The following SQLE variants were observed in gnomAD, a reference collection of about 807,000 sequenced individuals.
SQLE encodes the protein squalene epoxidase, also known as squalene monooxygenase.
SQLE carries 29 observed loss-of-function variants against 60.7 expected under a neutral mutation model. That is an observed-to-expected ratio of 0.48 (90% CI 0.36 to 0.65). The LOEUF is 0.65. Ranked by LOEUF, SQLE falls within the 30% of genes least tolerant of loss-of-function variation. SQLE has a pLI of 0.00. For synonymous variants in SQLE, 237 were observed against 246.8 expected, an observed-to-expected ratio of 0.96 and a Z score of 0.37; for missense variants, 605 against 684.1, an observed-to-expected ratio of 0.88 and a Z score of 1.29.
chr8:125,008,894 C>T (rs536101987), intron 4 of SQLE, 77 bp from the exon 5 acceptor site: 56 of 979,154 alleles, frequency 5.7e-5, no homozygotes, highest in African/African-American at 4.6e-4. Context: ...AATCTCTTCA[C>T]GCACATTTTT....
intron 7 of SQLE, among the ~76,000 whole-genome samples, chr8:125,014,388 T>C (rs1160339500): frequency 6.6e-6 from 1 of 152,156 alleles, no homozygotes; most frequent in African/African-American, 2.4e-5. Flanking sequence ...TTTCATTTTG[T>C]TATCTTTTGT....
intron 7 of SQLE, among the ~76,000 whole-genome samples, chr8:125,013,550 G>A (rs574547039): frequency 9.2e-5 from 14 of 151,684 alleles, no homozygotes; most frequent in Middle Eastern, 3.4e-3. Context: ...ACGGGGTTTC[G>A]CCATGTTGGC....
Position 124,998,605 on chromosome 8 carries a change from G to T in SQLE, c.-799G>T. On this transcript the variant is annotated 5_prime_UTR_variant, in exon 1 of 11. Transcript: ENST00000265896. ...AGAGCCGCCGCCCGCGAGGGATGCT[G>T]GTGAGGAAGCCGTCGGGAGCCGCCG... 1 of 687,230 alleles carries T rather than the reference G, an allele frequency of 1.5e-6. No homozygotes were observed. The highest frequency in any genetic ancestry group is 1.5e-5 in the South Asian group (1 of 66,076). 42.6% of individuals were successfully genotyped at this position (687,230 alleles called of 1,614,324 possible).
chr8:125,004,882 TAAGA>T (rs748109932), intron 2 of SQLE, among the ~76,000 whole-genome samples: 17 of 152,160 alleles, frequency 1.1e-4, no homozygotes, highest in Non-Finnish European at 1.6e-4. Flanking sequence ...GCTTTAGATT[TAAGA>T]AAGAAGTTTT....
intron 2 of SQLE, among the ~76,000 whole-genome samples, chr8:125,004,655 A>G (rs1814918584): frequency 6.6e-6 from 1 of 151,886 alleles, no homozygotes; most frequent in Non-Finnish European, 1.5e-5. Flanking sequence ...TTTGTCCATT[A>G]CTATTGGCGT....
At chr8:125,006,709 T>C (rs1463024846) in intron 3 of SQLE, among the ~76,000 whole-genome samples, 1 of 147,182 alleles carries the variant, frequency 6.8e-6, no homozygotes, top group Non-Finnish European at 1.5e-5. Context: ...AAATAATTAC[T>C]CTTTCTTTTT....
At position 125,003,489 on chromosome 8, in the gene SQLE, C is replaced by G. The variant is rs539017167; in HGVS notation, c.544+61C>G. On this transcript the variant is annotated intron_variant, in intron 2 of 10. Coordinates refer to ENST00000265896, the MANE Select transcript of SQLE (RefSeq NM_003129.4). ...TATGAACAAGCACTCTTCACTTAGA[C>G]CATCCTATGACCAGTAAGAAGGTAT... The G allele has an allele frequency of 1.5e-3, 2,345 of 1,559,440 alleles. 6 individuals are homozygous for G. The highest frequency in any genetic ancestry group is 2.7e-3 in the South Asian group (227 of 84,160).
In SQLE at chr8:124,999,225, C is replaced by T. The variant is rs73704506; in HGVS notation, c.-179C>T. On this transcript the variant is annotated 5_prime_UTR_variant, in exon 1 of 11. Transcript: ENST00000265896. ...CAACTTGGCTTCACATACTTTTACA[C>T]TAACTTTATATGATTTTTAAAAACT... 0.011 allele frequency: 5,781 copies of T among 532,268 alleles called. 253 individuals carry two copies. The highest frequency in any genetic ancestry group is 0.099 in the African/African-American group (5,024 of 50,968). The allele number at this position is 532,268 out of a possible 1,614,324, so 33.0% of individuals were successfully genotyped here.
chr8:124,998,967 C>A lies in SQLE; in HGVS notation c.-437C>A. 3.2e-6 allele frequency: 1 copy of A among 312,928 alleles called. No homozygotes were observed. Among genetic ancestry groups the A allele is most frequent in the Non-Finnish European group, 5.8e-6 (1 of 172,172 alleles). The allele number at this position is 312,928 out of a possible 1,614,324, so 19.4% of individuals were successfully genotyped here. ...CCCCAGTGCCGAGGTGTTTCTGTGA[C>A]CCTCCCTCCACTCCCATTCCCTTCT... On this transcript the variant is annotated 5_prime_UTR_variant, in exon 1 of 11. Coordinates refer to ENST00000265896, the MANE Select transcript of SQLE (RefSeq NM_003129.4).
chr8:124,999,295 T>G lies in SQLE; in HGVS notation c.-109T>G. On this transcript the variant is annotated 5_prime_UTR_variant, in exon 1 of 11. Transcript: ENST00000265896. ...TCCTGGGACACTGTTTACTGGAGTC[T>G]GGCCGGCTCTCCGTGCTCCTCTTGG... The G allele has an allele frequency of 9.0e-7, 1 of 1,111,536 alleles. No homozygotes were observed. The highest frequency in any genetic ancestry group is 3.8e-5 in the Admixed American group (1 of 26,254). 68.9% of individuals were successfully genotyped at this position (1,111,536 alleles called of 1,614,324 possible).
chr8:124,999,365 C>T lies in SQLE; in HGVS notation c.-39C>T. On this transcript the variant is annotated 5_prime_UTR_variant, in exon 1 of 11. Transcript: ENST00000265896. Reference sequence around the variant, plus strand: ...CCTTAAACCCACTCGAGCAGATAATCTCCGCCTTGACCGGTGCCACCAAAG... The same window carrying T: ...CCTTAAACCCACTCGAGCAGATAATTTCCGCCTTGACCGGTGCCACCAAAG... 1 of 1,475,370 alleles carries T rather than the reference C, an allele frequency of 6.8e-7. No individual in the cohort carries two copies. The highest frequency in any genetic ancestry group is 9.0e-7 in the Non-Finnish European group (1 of 1,113,150). The allele number at this position is 1,475,370 out of a possible 1,614,324, so 91.4% of individuals were successfully genotyped here.
At chr8:125,013,531 T>C (rs1347881063) in intron 7 of SQLE, among the ~76,000 whole-genome samples, 3 of 152,044 alleles carry the variant, frequency 2.0e-5, no homozygotes, top group African/African-American at 7.3e-5. Flanking sequence ...TTTTGTATTT[T>C]TAGTAGAGAC....
intron 3 of SQLE, 139 bp downstream of exon 3, chr8:125,005,844 A>AG: frequency 1.7e-6 from 1 of 588,196 alleles, no homozygotes; most frequent in Non-Finnish European, 2.6e-6. Flanking sequence ...ATAAACTGTC[A>AG]GTCAAAAGAG....
At chr8:125,000,575 G>A (rs1286564175) in intron 1 of SQLE, among the ~76,000 whole-genome samples, 1 of 152,098 alleles carries the variant, frequency 6.6e-6, no homozygotes, top group Non-Finnish European at 1.5e-5. Flanking sequence ...AGCTTCCCAA[G>A]GAGCTGGGAT....
Position 125,018,286 on chromosome 8 carries a change from T to C in SQLE, c.1347+85T>C, listed in dbSNP as rs1196272690. ...GCAGTGGGGCTCTGATGGGGAGATC[T>C]GTACTAAGGAACCTGATGCTTTATA... On this transcript the variant is annotated intron_variant, in intron 8 of 10. Transcript: ENST00000265896. The C allele has an allele frequency of 1.2e-5, 17 of 1,370,852 alleles. No individual in the cohort carries two copies. The East Asian group carries it at 3.9e-4, about 32-fold the overall frequency. The allele number at this position is 1,370,852 out of a possible 1,614,324, so 84.9% of individuals were successfully genotyped here. A position where few individuals can be genotyped will look rare whatever the true frequency, so the allele number is the denominator to read the frequency against.
intron 2 of SQLE, among the ~76,000 whole-genome samples, chr8:125,004,900 A>G (rs1269615302): frequency 6.6e-6 from 1 of 152,136 alleles, no homozygotes; most frequent in Non-Finnish European, 1.5e-5. Context: ...AAGTTTTTAC[A>G]TGATTCTGAT....
At position 125,018,144 on chromosome 8, in the gene SQLE, A is replaced by C. The variant is rs186651508; in HGVS notation, c.1290A>C (p.Leu430=). 1.2e-6 allele frequency: 2 copies of C among 1,613,908 alleles called. No homozygotes were observed. Among genetic ancestry groups the C allele is most frequent in the African/African-American group, 2.7e-5 (2 of 75,052 alleles). ...GMTVAFKDIK[L]WRKLLKGIPD... ...CTGTTGCTTTTAAAGATATAAAACT[A>C]TGGAGAAAACTGCTAAAGGGTATCC... is the stretch of plus-strand genomic sequence containing the variant. The change falls in exon 8 of 11, where the codon CTA becomes CTC. Residue 430 remains leucine (L), a synonymous_variant. Transcript: ENST00000265896.
intron 3 of SQLE, among the ~76,000 whole-genome samples, chr8:125,007,054 C>G (rs1814964221): frequency 1.3e-5 from 2 of 152,120 alleles, no homozygotes; most frequent in African/African-American, 2.4e-5. Context: ...ACTTGTTTTC[C>G]CCTCTGTGTA....
At chr8:125,006,070 C>A (rs1303394885) in intron 3 of SQLE, among the ~76,000 whole-genome samples, 1 of 152,164 alleles carries the variant, frequency 6.6e-6, no homozygotes, top group African/African-American at 2.4e-5. Flanking sequence ...AGTCAGGATA[C>A]AAAACTGCAA....
Sources: allele counts gnomAD v4.1 joint callset (sites outside exome capture counted in the v4.1 genomes callset), GRCh38; gene constraint gnomAD v4.1.1; transcripts MANE v1.5; gene names NCBI Gene and HGNC (gene_info 2026-07-23, HGNC 2026-07-21).